MAPK4: variants seen among roughly 807,000 people sequenced by gnomAD.
MAPK4 encodes mitogen-activated protein kinase 4, also known as Erk3-related.
Under a neutral mutation model 47.7 loss-of-function variants are expected in MAPK4, and 22 were observed. The ratio of observed to expected loss-of-function variants is 0.46; its 90% CI spans 0.33 to 0.66. The LOEUF (loss-of-function observed/expected upper bound fraction) is 0.66, where lower values mean the gene tolerates loss of function less well. Among genes scored for constraint, MAPK4 ranks in the 30% least tolerant of loss-of-function variants. MAPK4 has a pLI of 0.02. For missense variants in MAPK4, 736 were observed against 831.7 expected (o/e 0.88, Z 1.42); for synonymous variants, 390 against 365.7 (o/e 1.07, Z -0.76).
chr18:50,631,830 C>G (rs1391699763), intron 1 of MAPK4, among the ~76,000 whole-genome samples: 1 of 152,166 alleles, frequency 6.6e-6, no homozygotes, highest in African/African-American at 2.4e-5. Context: ...TGTTTTCAGA[C>G]AGATACTAAA....
intron 1 of MAPK4, among the ~76,000 whole-genome samples, chr18:50,603,891 G>A (rs1347507883): frequency 1.3e-5 from 2 of 152,122 alleles, no homozygotes; most frequent in Non-Finnish European, 2.9e-5. Flanking sequence ...ATGCACTAAT[G>A]TTCACTCCTT....
intron 2 of MAPK4, among the ~76,000 whole-genome samples, chr18:50,680,994 TG>T (rs1460352292): frequency 6.6e-6 from 1 of 152,228 alleles, no homozygotes; most frequent in African/African-American, 2.4e-5. Flanking sequence ...GCTACCAGAC[TG>T]TTTTCCAAAG....
intron 3 of MAPK4, 107 bp downstream of exon 3, chr18:50,715,330 A>C: frequency 7.5e-7 from 1 of 1,336,080 alleles, no homozygotes; most frequent in Non-Finnish European, 1.0e-6. Context: ...TCTTTTGCTG[A>C]AATTACTTCT....
rs553187327 is a variant in MAPK4, at chr18:50,723,183, G to A, written c.853+1084G>A. Among the ~76,000 whole-genome samples, 10 of 152,310 alleles carry A rather than the reference G, an allele frequency of 6.6e-5. No homozygotes were observed. The South Asian group carries it at 1.9e-3, about 28-fold the overall frequency. On this transcript the variant is annotated intron_variant, in intron 4 of 5. Transcript: ENST00000400384. ...CAGGGGAGGATGAGTGGCTGTGCCC[G>A]GGACCCAGGCCATCAGGTCTGCCAT... is the stretch of plus-strand genomic sequence containing the variant.
At chr18:50,587,620 A>G (rs576749510) in intron 1 of MAPK4, among the ~76,000 whole-genome samples, 3 of 152,206 alleles carry the variant, frequency 2.0e-5, no homozygotes, top group Non-Finnish European at 4.4e-5. Context: ...GTGCTTCAGT[A>G]GGAGCACATT....
At chr18:50,685,180 T>G (rs919729404) in intron 2 of MAPK4, among the ~76,000 whole-genome samples, 4 of 152,222 alleles carry the variant, frequency 2.6e-5, no homozygotes, top group African/African-American at 9.6e-5. Flanking sequence ...CAAACATTAC[T>G]GCCTGTGCCT....
At chr18:50,694,496 C>T (rs1909399420) in intron 2 of MAPK4, among the ~76,000 whole-genome samples, 1 of 152,220 alleles carries the variant, frequency 6.6e-6, no homozygotes, top group Non-Finnish European at 1.5e-5. Flanking sequence ...TCCACCGGAG[C>T]CCTATGTTAA....
chr18:50,709,746 A>G (rs1025146325), intron 2 of MAPK4, among the ~76,000 whole-genome samples: 1 of 152,216 alleles, frequency 6.6e-6, no homozygotes, highest in Non-Finnish European at 1.5e-5. Context: ...TCCCAGTTAC[A>G]GCACCTTGAA....
intron 3 of MAPK4, among the ~76,000 whole-genome samples, chr18:50,719,358 CAA>C (rs869254653): frequency 9.2e-6 from 1 of 108,160 alleles, no homozygotes; most frequent in African/African-American, 3.0e-5. Flanking sequence ...AAAAACAAAA[CAA>C]AAAAAAATAC....
At chr18:50,639,106 C>G (rs1468590216) in intron 1 of MAPK4, among the ~76,000 whole-genome samples, 1 of 152,132 alleles carries the variant, frequency 6.6e-6, no homozygotes, top group Non-Finnish European at 1.5e-5. Flanking sequence ...ACCCCAGGCT[C>G]AAAATGGCCT....
At position 50,574,805 on chromosome 18, in the gene MAPK4, C is replaced by T. The variant is rs958746239; in HGVS notation, c.-871+14562C>T. 2.0e-5 allele frequency among the ~76,000 whole-genome samples: 3 copies of T among 152,172 alleles called. 1 individual carries two copies. The highest frequency in any genetic ancestry group is 4.4e-5 in the Non-Finnish European group (3 of 68,030). On this transcript the variant is annotated intron_variant, in intron 1 of 5. Transcript: ENST00000400384. ...CACAAAGGAATTCGCAGTAGGAATC[C>T]TTGAGATGATAAGTATCCACACCAG...
At chr18:50,585,796 A>G (rs2042383014) in intron 1 of MAPK4, among the ~76,000 whole-genome samples, 1 of 152,234 alleles carries the variant, frequency 6.6e-6, no homozygotes, top group Admixed American at 6.5e-5. Context: ...AACTTATAGC[A>G]GAAGGTAAAC....
intron 1 of MAPK4, among the ~76,000 whole-genome samples, chr18:50,622,810 T>C (rs572317469): frequency 4.4e-4 from 67 of 152,316 alleles, no homozygotes; most frequent in African/African-American, 1.4e-3. Context: ...AACTGCTAAA[T>C]GTATGGGTTT....
rs562625202 is a variant in MAPK4, at chr18:50,662,306, G to C, written c.-870-783G>C. Reference sequence around the variant, plus strand: ...GAATTTACATGTCTAGTTTTGCAGGGTTTTTCCTCCCCACTTAGTTCCTAT... The same window carrying C: ...GAATTTACATGTCTAGTTTTGCAGGCTTTTTCCTCCCCACTTAGTTCCTAT... On this transcript the variant is annotated intron_variant, in intron 1 of 5. Coordinates refer to ENST00000400384, the MANE Select transcript of MAPK4 (RefSeq NM_002747.4). Among the ~76,000 whole-genome samples the C allele has an allele frequency of 3.9e-5, 6 of 152,266 alleles. No individual in the cohort carries two copies. In the South Asian group the frequency reaches 1.2e-3, roughly 32 times the overall value.
chr18:50,598,094 C>T (rs79956196), intron 1 of MAPK4, among the ~76,000 whole-genome samples: 43 of 152,356 alleles, frequency 2.8e-4, no homozygotes, highest in African/African-American at 1.0e-3. Flanking sequence ...TTCACGGCCC[C>T]TCCAACCACT....
rs2042939470 is a variant in MAPK4, at chr18:50,641,350, GA to G, written c.-870-21738del. 3.4e-5 allele frequency among the ~76,000 whole-genome samples: 5 copies of G among 147,050 alleles called. No homozygotes were observed. The South Asian group carries it at 8.3e-4, about 24-fold the overall frequency. On this transcript the variant is annotated intron_variant, in intron 1 of 5. Transcript: ENST00000400384. ...GTAGGGAAGTTCATACAGGTTTGTA[GA>G]TTTTAAATTGTGTTTAAAGGTGCTT... is the stretch of plus-strand genomic sequence containing the variant.
intron 1 of MAPK4, among the ~76,000 whole-genome samples, chr18:50,659,560 C>T (rs530967886): frequency 6.6e-6 from 1 of 152,298 alleles, no homozygotes; most frequent in South Asian, 2.1e-4. Context: ...CTCTGGTTTG[C>T]CTCCGCATGT....
At chr18:50,639,309 A>G (rs1457106567) in intron 1 of MAPK4, among the ~76,000 whole-genome samples, 1 of 152,194 alleles carries the variant, frequency 6.6e-6, no homozygotes, top group African/African-American at 2.4e-5. Context: ...TGAGACAGAA[A>G]TCTGTCATCT....
At chr18:50,593,543 C>T (rs1568038082) in intron 1 of MAPK4, among the ~76,000 whole-genome samples, 2 of 152,162 alleles carry the variant, frequency 1.3e-5, no homozygotes, top group Non-Finnish European at 2.9e-5. Flanking sequence ...TCCTAAACTC[C>T]CTGGCTCATT....
Sources: allele counts gnomAD v4.1 joint callset (sites outside exome capture counted in the v4.1 genomes callset), GRCh38; gene constraint gnomAD v4.1.1; transcripts MANE v1.5; gene names NCBI Gene and HGNC (gene_info 2026-07-23, HGNC 2026-07-21).